ARHGAP26: variants seen among roughly 807,000 people sequenced by gnomAD.
The protein encoded by ARHGAP26 is Rho GTPase activating protein 26.
ARHGAP26 carries 38 observed loss-of-function variants against 104.8 expected under a neutral mutation model. The observed-to-expected ratio is 0.36, with a 90% CI of 0.28 to 0.48. The LOEUF is 0.48. Among genes scored for constraint, ARHGAP26 ranks in the 20% least tolerant of loss-of-function variants. ARHGAP26 has a pLI of 0.99. For missense variants in ARHGAP26, 704 were observed against 947.9 expected (o/e 0.74, Z 3.38); for synonymous variants, 341 against 340.0 (o/e 1.00, Z -0.03).
chr5:143,141,724 A>G (rs1798560336), intron 19 of ARHGAP26, among the ~76,000 whole-genome samples: 1 of 152,220 alleles, frequency 6.6e-6, no homozygotes, highest in Non-Finnish European at 1.5e-5. Context: ...AACTTTTCCT[A>G]AAAGCAAGTC....
intron 11 of ARHGAP26, among the ~76,000 whole-genome samples, chr5:142,993,705 G>A (rs1775980240): frequency 6.6e-6 from 1 of 152,110 alleles, no homozygotes; most frequent in Non-Finnish European, 1.5e-5. Flanking sequence ...ATGGCATCAT[G>A]ATCACAGCAC....
intron 1 of ARHGAP26, among the ~76,000 whole-genome samples, chr5:142,834,246 G>T (rs1769109083): frequency 6.6e-6 from 1 of 152,196 alleles, no homozygotes; most frequent in Non-Finnish European, 1.5e-5. Context: ...ATACACTTAT[G>T]TAATGGCAAC....
chr5:142,861,993 C>G (rs1753441048), intron 1 of ARHGAP26, among the ~76,000 whole-genome samples: 1 of 152,220 alleles, frequency 6.6e-6, no homozygotes, highest in Non-Finnish European at 1.5e-5. Context: ...TTGTGTATGG[C>G]TCCAGGTTCT....
chr5:142,997,786 T>C (rs949618353), intron 11 of ARHGAP26, among the ~76,000 whole-genome samples: 1 of 151,722 alleles, frequency 6.6e-6, no homozygotes, highest in Non-Finnish European at 1.5e-5. Flanking sequence ...TTTCTTTTGG[T>C]GATTTTGCTA....
chr5:142,905,796 A>G (rs1456259046), intron 8 of ARHGAP26, among the ~76,000 whole-genome samples: 1 of 152,216 alleles, frequency 6.6e-6, no homozygotes, highest in Admixed American at 6.5e-5. Flanking sequence ...AGTAATGGCT[A>G]AAATCGCAAT....
intron 22 of ARHGAP26, among the ~76,000 whole-genome samples, chr5:143,215,665 C>T (rs908410065): frequency 6.6e-6 from 1 of 152,226 alleles, no homozygotes; most frequent in South Asian, 2.1e-4. Context: ...AACCACTCTT[C>T]TACTTTGTCT....
intron 17 of ARHGAP26, among the ~76,000 whole-genome samples, chr5:143,069,356 T>C (rs1787939252): frequency 6.6e-6 from 1 of 152,170 alleles, no homozygotes; most frequent in Non-Finnish European, 1.5e-5. Flanking sequence ...AATAAATATT[T>C]GTTGAATAAG....
At chr5:142,800,189 T>C (rs1347712539) in intron 1 of ARHGAP26, among the ~76,000 whole-genome samples, 1 of 152,200 alleles carries the variant, frequency 6.6e-6, no homozygotes, top group Non-Finnish European at 1.5e-5. Flanking sequence ...TTGCACTACC[T>C]GAAAGGCTTA....
chr5:142,835,052 A>G (rs1769283012), intron 1 of ARHGAP26, among the ~76,000 whole-genome samples: 1 of 152,194 alleles, frequency 6.6e-6, no homozygotes, highest in Admixed American at 6.5e-5. Context: ...TAGGGGATGT[A>G]TTGTCTCCAT....
intron 11 of ARHGAP26, among the ~76,000 whole-genome samples, chr5:142,982,060 TCA>T (rs1459085611): frequency 1.3e-5 from 2 of 152,250 alleles, no homozygotes; most frequent in Non-Finnish European, 2.9e-5. Context: ...CTGATCCAGC[TCA>T]CCTTATGCTG....
chr5:142,835,423 A>C (rs1413599112), intron 1 of ARHGAP26, among the ~76,000 whole-genome samples: 1 of 152,242 alleles, frequency 6.6e-6, no homozygotes, highest in Non-Finnish European at 1.5e-5. Context: ...AAAGTGAAAT[A>C]GTCAAGGTAA....
At chr5:143,126,942 G>C (rs541378980) in intron 18 of ARHGAP26, among the ~76,000 whole-genome samples, 1 of 152,268 alleles carries the variant, frequency 6.6e-6, no homozygotes, top group African/African-American at 2.4e-5. Flanking sequence ...AAAAACTTAA[G>C]GTTATGGTTA....
chr5:142,850,137 C>T (rs1195398926), intron 1 of ARHGAP26, among the ~76,000 whole-genome samples: 1 of 152,226 alleles, frequency 6.6e-6, no homozygotes, highest in African/African-American at 2.4e-5. Flanking sequence ...CTGCCTACCT[C>T]TCCTGCTCTG....
intron 11 of ARHGAP26, among the ~76,000 whole-genome samples, chr5:142,978,949 G>A (rs1361698317): frequency 6.6e-6 from 1 of 151,978 alleles, no homozygotes; most frequent in Admixed American, 6.6e-5. Context: ...GCAATGCTAG[G>A]GTAAAGGAAA....
At chr5:143,108,574 C>T (rs144836258) in intron 17 of ARHGAP26, among the ~76,000 whole-genome samples, 281 of 152,232 alleles carry the variant, frequency 1.8e-3, no homozygotes, top group African/African-American at 6.3e-3. Context: ...CTTCAGCCTC[C>T]CAGTGTTTTT....
intron 1 of ARHGAP26, among the ~76,000 whole-genome samples, chr5:142,842,628 C>T (rs548820503): frequency 3.9e-5 from 6 of 152,254 alleles, no homozygotes; most frequent in South Asian, 2.1e-4. Context: ...TCTAAAAGTG[C>T]GTAGTAGTAG....
chr5:143,131,704 G>A (rs1400304482), intron 18 of ARHGAP26, among the ~76,000 whole-genome samples: 1 of 152,208 alleles, frequency 6.6e-6, no homozygotes, highest in African/African-American at 2.4e-5. Context: ...GTGTGGCATT[G>A]TAAGATAGTC....
chr5:143,015,748 G>A (rs2152822938), intron 12 of ARHGAP26, among the ~76,000 whole-genome samples: 1 of 152,250 alleles, frequency 6.6e-6, no homozygotes, highest in South Asian at 2.1e-4. Context: ...GCACGTGAAT[G>A]GAGACCTCCC....
intron 12 of ARHGAP26, among the ~76,000 whole-genome samples, chr5:143,015,898 G>A (rs1779520466): frequency 6.6e-6 from 1 of 152,158 alleles, no homozygotes; most frequent in African/African-American, 2.4e-5. Context: ...ATTTCTTAAG[G>A]CATTTCGAGG....
Sources: gnomAD v4.1 joint callset for allele counts (sites outside exome capture counted in the v4.1 genomes callset) on GRCh38, gnomAD v4.1.1 for gene constraint, MANE v1.5 for transcripts, NCBI Gene and HGNC (gene_info 2026-07-23, HGNC 2026-07-21) for gene names.